Variants in AKAP6 observed in about 807,000 individuals in gnomAD.
AKAP6 encodes the protein A-kinase anchor protein 6.
A neutral mutation model predicts 188.5 loss-of-function variants in AKAP6; 58 were observed. The ratio of observed to expected loss-of-function variants is 0.31; its 90% CI spans 0.25 to 0.38. The LOEUF (loss-of-function observed/expected upper bound fraction) is 0.38, where lower values mean the gene tolerates loss of function less well. Ranked by LOEUF, AKAP6 falls within the 10% of genes least tolerant of loss-of-function variation. The pLI is 1.00. For missense variants in AKAP6, 2,710 were observed against 2,740.0 expected, an observed-to-expected ratio of 0.99 and a Z score of 0.24; for synonymous variants, 989 against 998.6, an observed-to-expected ratio of 0.99 and a Z score of 0.18.
chr14:32,470,402 G>T (rs1878710191), intron 2 of AKAP6, among the ~76,000 whole-genome samples: 1 of 150,900 alleles, frequency 6.6e-6, no homozygotes, highest in Non-Finnish European at 1.5e-5. Context: ...TTACAAGTTT[G>T]AATTTACAGT....
chr14:32,703,122 T>C (rs1337920092), intron 9 of AKAP6, among the ~76,000 whole-genome samples: 1 of 151,992 alleles, frequency 6.6e-6, no homozygotes, highest in Non-Finnish European at 1.5e-5. Flanking sequence ...TGCAACTGTT[T>C]AAAAAAATAA....
rs186539860 is a variant in AKAP6 at position 32,796,698 on chromosome 14, G to C, written c.3588+22805G>C. 4.3e-3 allele frequency among the ~76,000 whole-genome samples: 660 copies of C among 152,150 alleles called. 5 individuals carry two copies. The highest frequency in any genetic ancestry group is 0.014 in the Middle Eastern group (4 of 294). ...AAAAACGCTAGGAGAAAATCTAGGC[G>C]ATACCATTCAGGACATAGCCATACC... On this transcript the variant is annotated intron_variant, in intron 12 of 13. Transcript: ENST00000280979.
intron 5 of AKAP6, among the ~76,000 whole-genome samples, chr14:32,585,224 C>A (rs1885180019): frequency 6.6e-6 from 1 of 152,068 alleles, no homozygotes; most frequent in Non-Finnish European, 1.5e-5. Context: ...GGAGACAAAC[C>A]AGCGCTTCTT....
chr14:32,366,544 A>G (rs1320446690), intron 1 of AKAP6, among the ~76,000 whole-genome samples: 1 of 152,188 alleles, frequency 6.6e-6, no homozygotes, highest in Non-Finnish European at 1.5e-5. Context: ...TACTATTGTG[A>G]GAGTAAGACA....
intron 1 of AKAP6, among the ~76,000 whole-genome samples, chr14:32,387,432 C>G (rs1000161432): frequency 6.7e-6 from 1 of 150,290 alleles, no homozygotes; most frequent in African/African-American, 2.4e-5. Context: ...GTGGGTTTGT[C>G]ATCGATGGCT....
At chr14:32,713,770 G>T (rs962137306) in intron 9 of AKAP6, among the ~76,000 whole-genome samples, 1 of 152,018 alleles carries the variant, frequency 6.6e-6, no homozygotes, top group Non-Finnish European at 1.5e-5. Context: ...TGTTGTGGCT[G>T]GTTTGATCTT....
chr14:32,767,026 A>C (rs1313928372), intron 11 of AKAP6, among the ~76,000 whole-genome samples: 1 of 152,126 alleles, frequency 6.6e-6, no homozygotes, highest in African/African-American at 2.4e-5. Flanking sequence ...TTGCATGTGG[A>C]TATCCAGTTG....
intron 7 of AKAP6, among the ~76,000 whole-genome samples, chr14:32,629,828 A>G (rs1164277164): frequency 6.6e-6 from 1 of 151,148 alleles, no homozygotes; most frequent in Non-Finnish European, 1.5e-5. Flanking sequence ...TAATCTGAAC[A>G]CTTTGAGAGG....
Position 32,773,936 on chromosome 14 carries a change from C to T in AKAP6, c.3588+43C>T. 4.4e-6 allele frequency: 7 copies of T among 1,575,944 alleles called. No homozygotes were observed. In the Admixed American group the frequency reaches 8.6e-5, roughly 19 times the overall value. ...TAAGCATAATTGTCTGTCATTTTCT[C>T]AGACAAAAAATAATTCTTTCAGGCT... On this transcript the variant is annotated intron_variant, in intron 12 of 13. Transcript: ENST00000280979.
intron 12 of AKAP6, among the ~76,000 whole-genome samples, chr14:32,797,559 A>C (rs60535335): frequency 0.14 from 21,433 of 152,076 alleles, 1,648 homozygotes; most frequent in Middle Eastern, 0.24. Flanking sequence ...GGGAGCTAAA[A>C]GGCTAAATGA....
intron 1 of AKAP6, among the ~76,000 whole-genome samples, chr14:32,364,663 C>T (rs912814560): frequency 2.6e-5 from 4 of 152,068 alleles, no homozygotes; most frequent in South Asian, 2.1e-4. Flanking sequence ...CCTGCCCCGA[C>T]TGAAGTGTAG....
At chr14:32,716,306 C>A (rs1018456689) in intron 9 of AKAP6, among the ~76,000 whole-genome samples, 1 of 151,530 alleles carries the variant, frequency 6.6e-6, no homozygotes, top group African/African-American at 2.4e-5. Flanking sequence ...CAACAAGCTC[C>A]CTCCTCCCTT....
intron 1 of AKAP6, among the ~76,000 whole-genome samples, chr14:32,415,717 C>T (rs754413418): frequency 1.3e-5 from 2 of 152,096 alleles, no homozygotes; most frequent in Non-Finnish European, 2.9e-5. Context: ...CCCTGGAAAC[C>T]ACAATTTTAC....
chr14:32,786,627 A>C (rs1379547570), intron 12 of AKAP6, among the ~76,000 whole-genome samples: 2 of 151,858 alleles, frequency 1.3e-5, no homozygotes, highest in African/African-American at 4.8e-5. Context: ...CCCAGCCTAA[A>C]CCTTTATCTT....
intron 7 of AKAP6, among the ~76,000 whole-genome samples, chr14:32,650,871 A>G (rs1888194313): frequency 6.6e-6 from 1 of 152,072 alleles, no homozygotes; most frequent in African/African-American, 2.4e-5. Context: ...TGATAACTCT[A>G]TTTACTCTAT....
In AKAP6 at chr14:32,769,037, A is replaced by ATTTTTTTTTTTTTTTT. The variant is rs544997334; in HGVS notation, c.3373-4629_3373-4614dup. On this transcript the variant is annotated intron_variant, in intron 11 of 13. Transcript: ENST00000280979. ...ACTAGGGGATGCAGCTGCTCTTTTGATTTTTTTTTTTTTTTTTTTTTTTTT... is the reference window on the plus strand; with the variant it reads ...ACTAGGGGATGCAGCTGCTCTTTTGATTTTTTTTTTTTTTTTTTTTTTTTTTTTTTTTTTTTTTTTT... Among the ~76,000 whole-genome samples the ATTTTTTTTTTTTTTTT allele has an allele frequency of 4.3e-3, 245 of 56,920 alleles. 81 individuals carry two copies. The highest frequency in any genetic ancestry group is 4.8e-3 in the African/African-American group (67 of 14,050). The allele number at this position is 56,920 out of a possible 152,430, so 37.3% of individuals were successfully genotyped here.
chr14:32,347,555 C>T (rs1951688), intron 1 of AKAP6, among the ~76,000 whole-genome samples: 56,900 of 152,076 alleles, frequency 0.37, 11,970 homozygotes, highest in African/African-American at 0.58. Context: ...AAATAAATTA[C>T]AGAGCTTGTA....
chr14:32,809,929 G>A (rs1030190269), intron 12 of AKAP6, among the ~76,000 whole-genome samples: 3 of 151,810 alleles, frequency 2.0e-5, no homozygotes, highest in Admixed American at 6.7e-5. Flanking sequence ...TTCCCTGATT[G>A]CTCGCTATTT....
Position 32,824,362 on chromosome 14 carries a change from C to A in AKAP6, c.6549C>A (p.Ser2183Arg), listed in dbSNP as rs748854082. 1 of 1,613,894 alleles carries A rather than the reference C, an allele frequency of 6.2e-7. No individual in the cohort carries two copies. Among genetic ancestry groups the A allele is most frequent in the Non-Finnish European group, 8.5e-7 (1 of 1,179,938 alleles). The change falls in exon 13 of 14, where the codon AGC becomes AGA. Residue 2183 changes from serine (S) to arginine (R), a missense_variant. By Grantham distance (110) the Ser-to-Arg change is moderately radical. Transcript: ENST00000280979. ...CTCCAAATGAATCTGCAGTTCCCAG[C>A]GAAGCTGCAATGCCACTACAAGCAA... ...SAPPNESAVP[S>R]EAAMPLQATA...
Sources: allele counts gnomAD v4.1 joint callset (sites outside exome capture counted in the v4.1 genomes callset), GRCh38; gene constraint gnomAD v4.1.1; transcripts MANE v1.5; gene names NCBI Gene and HGNC (gene_info 2026-07-23, HGNC 2026-07-21).